Variants in RAB3IL1 observed in about 807,000 individuals in gnomAD.
RAB3IL1 encodes the protein RAB3A interacting protein like 1, also known as guanine nucleotide exchange factor for Rab-3A.
Under a neutral mutation model 49.2 loss-of-function variants are expected in RAB3IL1, and 37 were observed. The observed-to-expected ratio is 0.75, with a 90% CI of 0.58 to 0.99. The LOEUF is 0.99. Ranked by LOEUF, RAB3IL1 falls within the 50% of genes least tolerant of loss-of-function variation. The probability of loss-of-function intolerance (pLI) is 0.00; values close to 1 mark genes in which losing one functional copy is unlikely to be tolerated. For synonymous variants in RAB3IL1, 193 were observed against 213.9 expected, an observed-to-expected ratio of 0.90 and a Z score of 0.85; for missense variants, 484 against 513.0, an observed-to-expected ratio of 0.94 and a Z score of 0.55.
At chr11:61,899,488 G>T in intron 8 of RAB3IL1, 108 bp from the exon 9 acceptor site, 1 of 1,060,224 alleles carries the variant, frequency 9.4e-7, no homozygotes, top group Non-Finnish European at 1.4e-6. Context: ...GCAGAGCCAG[G>T]CAGTGCTCCC....
intron 1 of RAB3IL1, among the ~76,000 whole-genome samples, chr11:61,908,518 T>C (rs1244613606): frequency 6.6e-6 from 1 of 152,236 alleles, no homozygotes; most frequent in Non-Finnish European, 1.5e-5. Context: ...TTACTCTTTG[T>C]CAACCACCCC....
the RAB3IL1 span, among the ~76,000 whole-genome samples, chr11:61,931,231 CAGA>C: frequency 6.6e-6 from 1 of 152,176 alleles, no homozygotes; most frequent in Non-Finnish European, 1.5e-5. Flanking sequence ...GAAGGCAAAA[CAGA>C]AGGTCTTTGG....
At chr11:61,933,426 G>A in the RAB3IL1 span, among the ~76,000 whole-genome samples, 1 of 98,106 alleles carries the variant, frequency 1.0e-5, no homozygotes, top group African/African-American at 3.8e-5. Flanking sequence ...CCTCCAGAGG[G>A]AGCATAGATC....
the RAB3IL1 span, among the ~76,000 whole-genome samples, chr11:61,939,832 T>A: frequency 6.6e-6 from 1 of 151,926 alleles, no homozygotes; most frequent in Non-Finnish European, 1.5e-5. Flanking sequence ...GTGGCACATG[T>A]CTGTAGTCCC....
At chr11:61,922,700 C>T (rs549159409), upstream of RAB3IL1, among the ~76,000 whole-genome samples, 6 of 152,278 alleles carry the variant, frequency 3.9e-5, no homozygotes, top group South Asian at 1.2e-3. Context: ...CCTCACACCC[C>T]ACCCTGCCCC....
chr11:61,941,985 C>A, the RAB3IL1 span, among the ~76,000 whole-genome samples: 1 of 152,140 alleles, frequency 6.6e-6, no homozygotes, highest in African/African-American at 2.4e-5. Context: ...CCTAGGCGGG[C>A]AGATCACTTG....
intron 4 of RAB3IL1, 103 bp downstream of exon 4, chr11:61,907,290 G>A (rs542652712): frequency 1.4e-5 from 17 of 1,259,200 alleles, no homozygotes; most frequent in South Asian, 1.1e-4. Flanking sequence ...TGGCCCCACC[G>A]GGCCAGGTGA....
Position 61,898,042 on chromosome 11 carries a change from C to CTGG in RAB3IL1, c.*233_*235dup. 1 of 508,800 alleles carries CTGG rather than the reference C, an allele frequency of 2.0e-6. No homozygotes were observed. Among genetic ancestry groups the CTGG allele is most frequent in the Admixed American group, 3.6e-5 (1 of 28,066 alleles). 31.5% of individuals were successfully genotyped at this position (508,800 alleles called of 1,614,324 possible). A position where few individuals can be genotyped will look rare whatever the true frequency, so the allele number is the denominator to read the frequency against. ...TCTTTGGTGCTTTCTTGAAATCCTCCTGGTGGTGGCAGAACCCAGTGGGGA... is the reference window on the plus strand; with the variant it reads ...TCTTTGGTGCTTTCTTGAAATCCTCCTGGTGGTGGTGGCAGAACCCAGTGGGGA... On this transcript the variant is annotated 3_prime_UTR_variant, in exon 10 of 10. Transcript: ENST00000394836. The surrounding 1 kb of genome is among the most constrained non-coding windows in gnomAD (Gnocchi z 5.1).
At chr11:61,902,361 T>C in intron 8 of RAB3IL1, 81 bp downstream of exon 8, 2 of 1,197,574 alleles carry the variant, frequency 1.7e-6, no homozygotes, top group Non-Finnish European at 2.4e-6. Context: ...GTGCTATTCA[T>C]ACTCCCAGGC....
chr11:61,924,041 G>A (rs891620320), upstream of RAB3IL1, among the ~76,000 whole-genome samples: 23 of 152,130 alleles, frequency 1.5e-4, no homozygotes, highest in Non-Finnish European at 1.9e-4. Context: ...GCCAGGCCCC[G>A]GGGACAGTCT....
chr11:61,913,071 G>A (rs931487590), intron 1 of RAB3IL1, among the ~76,000 whole-genome samples: 7 of 152,108 alleles, frequency 4.6e-5, no homozygotes, highest in Non-Finnish European at 7.4e-5. Context: ...GAAGTGGCAC[G>A]TCCCGTAGGC....
the RAB3IL1 span, among the ~76,000 whole-genome samples, chr11:61,942,859 A>G: frequency 0.017 from 2,643 of 152,346 alleles, 101 homozygotes; most frequent in Admixed American, 0.096. Context: ...TGGTGAATGA[A>G]ACTAAAGAAT....
At chr11:61,902,823 G>A (rs767072056) in intron 7 of RAB3IL1, among the ~76,000 whole-genome samples, 3 of 152,262 alleles carry the variant, frequency 2.0e-5, no homozygotes, top group Non-Finnish European at 2.9e-5. Flanking sequence ...GGTGTACAAA[G>A]TCCCACCCTC....
At chr11:61,899,127 C>A (rs1243535946) in intron 9 of RAB3IL1, among the ~76,000 whole-genome samples, 187 bp downstream of exon 9, 1 of 152,210 alleles carries the variant, frequency 6.6e-6, no homozygotes, top group South Asian at 2.1e-4. Flanking sequence ...ACCAGCCGGA[C>A]GGACTCAGGT....
chr11:61,904,876 T>G lies in RAB3IL1; in HGVS notation c.664A>C (p.Thr222Pro). The change falls in exon 6 of 10, where the codon ACA (threonine) becomes CCA (proline). Residue 222 changes from threonine (T) to proline (P), a missense_variant. Thr to Pro is a conservative substitution (Grantham distance 38, BLOSUM62 -1). Coordinates refer to ENST00000394836, the MANE Select transcript of RAB3IL1 (RefSeq NM_013401.4). ...GCCTGGAACTCTGCAAACAGGATTG[T>G]GTCCACCTGTGGGGGAGGGCAAGCG... is the stretch of plus-strand genomic sequence containing the variant. ...TPDREGKEVD[T>P]ILFAEFQAWR... is the part of the protein sequence containing the mutation. 6.3e-7 allele frequency: 1 copy of G among 1,582,844 alleles called. No individual in the cohort carries two copies. The highest frequency in any genetic ancestry group is 1.1e-5 in the South Asian group (1 of 87,178).
chr11:61,924,051 TGGGCTCAGGGAG>T (rs1939957007), upstream of RAB3IL1, among the ~76,000 whole-genome samples: 1 of 152,160 alleles, frequency 6.6e-6, no homozygotes, highest in Non-Finnish European at 1.5e-5. Context: ...GGGGACAGTC[TGGGCTCAGGGAG>T]GGGCTCAGCC....
the RAB3IL1 span, among the ~76,000 whole-genome samples, chr11:61,925,594 C>CACT: frequency 7.3e-5 from 11 of 151,272 alleles, no homozygotes; most frequent in East Asian, 1.8e-3. Context: ...AACATCACAC[C>CACT]ACTGCACTCT....
Position 61,907,412 on chromosome 11 carries a change from A to AGCT in RAB3IL1, c.416_418dup (p.Gln139dup). ...CCTCACCTTGCCCCGAGCCTCCTTC[A>AGCT]GCTGCTTTTCTGATGCCGCCTGCTT... On this transcript the variant is annotated inframe_insertion, in exon 4 of 10. Coordinates refer to ENST00000394836, the MANE Select transcript of RAB3IL1 (RefSeq NM_013401.4). 1 of 1,614,020 alleles carries AGCT rather than the reference A, an allele frequency of 6.2e-7. No individual in the cohort carries two copies.
the RAB3IL1 span, among the ~76,000 whole-genome samples, chr11:61,942,848 G>A: frequency 2.0e-5 from 3 of 152,176 alleles, no homozygotes; most frequent in Admixed American, 6.5e-5. Flanking sequence ...CCCTACGACA[G>A]TGGTGAATGA....
Sources: allele counts gnomAD v4.1 joint callset (sites outside exome capture counted in the v4.1 genomes callset), GRCh38; gene constraint gnomAD v4.1.1; non-coding constraint Gnocchi (gnomAD v3.1); transcripts MANE v1.5; gene names NCBI Gene and HGNC (gene_info 2026-07-23, HGNC 2026-07-21).